CLPTM1: variants seen among roughly 807,000 people sequenced by gnomAD.
The protein encoded by CLPTM1 is CLPTM1 regulator of GABA type A receptor forward trafficking, also known as putative lipid scramblase CLPTM1.
In CLPTM1, 21 loss-of-function variants were observed where a neutral mutation model predicts 77.3. The observed-to-expected ratio is 0.27, with a 90% CI of 0.19 to 0.39. The LOEUF is 0.39. Ranked by LOEUF, CLPTM1 falls within the 10% of genes least tolerant of loss-of-function variation. The pLI is 1.00. For missense variants in CLPTM1, 642 were observed against 921.2 expected, an observed-to-expected ratio of 0.70 and a Z score of 3.92; for synonymous variants, 373 against 381.0, an observed-to-expected ratio of 0.98 and a Z score of 0.24.
At chr19:44,979,105 A>G (rs1970852091) in intron 5 of CLPTM1, among the ~76,000 whole-genome samples, 1 of 151,888 alleles carries the variant, frequency 6.6e-6, no homozygotes, top group Non-Finnish European at 1.5e-5. Flanking sequence ...TTAGCCTCCA[A>G]AATAGCTGGG....
chr19:44,965,155 A>G (rs1439939650), intron 2 of CLPTM1, among the ~76,000 whole-genome samples: 1 of 152,144 alleles, frequency 6.6e-6, no homozygotes, highest in African/African-American at 2.4e-5. Flanking sequence ...CAGTTAGGCA[A>G]TCAGCTTCCC....
chr19:44,992,967 C>A lies in CLPTM1; in HGVS notation c.*70C>A. 5 of 1,531,416 alleles carry A rather than the reference C, an allele frequency of 3.3e-6. No individual in the cohort carries two copies. Among genetic ancestry groups the A allele is most frequent in the Non-Finnish European group, 4.4e-6 (5 of 1,130,122 alleles). 94.9% of individuals were successfully genotyped at this position (1,531,416 alleles called of 1,614,324 possible). A position where few individuals can be genotyped will look rare whatever the true frequency, so the allele number is the denominator to read the frequency against. Reference sequence around the variant, plus strand: ...CCTGCGTCCCGGCCCCCTCGCCTCCCCTCCCTGTCGCCCTTTCCCTGGACA... The same window carrying A: ...CCTGCGTCCCGGCCCCCTCGCCTCCACTCCCTGTCGCCCTTTCCCTGGACA... On this transcript the variant is annotated 3_prime_UTR_variant, in exon 14 of 14. Transcript: ENST00000337392. The surrounding 1 kb of genome is among the most constrained non-coding windows in gnomAD (Gnocchi z 7.7).
chr19:44,985,185 C>T, intron 5 of CLPTM1, 33 bp from the exon 6 acceptor site: 2 of 1,568,442 alleles, frequency 1.3e-6, no homozygotes, highest in Middle Eastern at 1.7e-4. Flanking sequence ...CAGCAGGTCT[C>T]ACGTCCCCTC....
At chr19:44,986,297 GAGA>G (rs1403121276) in intron 6 of CLPTM1, among the ~76,000 whole-genome samples, 155 bp from the exon 7 acceptor site, 8 of 151,456 alleles carry the variant, frequency 5.3e-5, no homozygotes, top group Non-Finnish European at 1.2e-4. Context: ...CCCAGAATTC[GAGA>G]CCAGCTTGGG....
At chr19:44,974,398 G>T (rs778362664) in intron 3 of CLPTM1, 41 bp from the exon 4 acceptor site, 2 of 1,580,064 alleles carry the variant, frequency 1.3e-6, no homozygotes, top group Admixed American at 1.7e-5. Flanking sequence ...CAGAGGCTCT[G>T]AAGAGCAGGC....
upstream of CLPTM1, chr19:44,954,592 A>C (rs980082517): frequency 1.4e-5 from 14 of 1,021,792 alleles, 1 homozygote; most frequent in South Asian, 4.6e-4. Flanking sequence ...ACCCTCTCCA[A>C]ACTAAGGGTC....
Position 44,986,197 on chromosome 19 carries a change from AAAAG to A in CLPTM1, c.673-246_673-243del, listed in dbSNP as rs770070201. On this transcript the variant is annotated intron_variant, in intron 6 of 13. Transcript: ENST00000337392. ...ACCCCATCTCTTCCAAAAAAGAGAA[AAAAG>A]AAAGAAAGAAAAGAAGCTGTCCATG... Among the ~76,000 whole-genome samples the A allele has an allele frequency of 6.0e-3, 910 of 151,884 alleles. 6 individuals carry two copies. Among genetic ancestry groups the A allele is most frequent in the Non-Finnish European group, 9.9e-3 (670 of 67,952 alleles).
intron 5 of CLPTM1, among the ~76,000 whole-genome samples, chr19:44,978,132 C>T (rs1339065753): frequency 1.3e-5 from 2 of 151,328 alleles, no homozygotes; most frequent in African/African-American, 2.4e-5. Flanking sequence ...AGAGGCCGGG[C>T]ACAGTGGCTC....
At chr19:44,986,753 C>G in intron 7 of CLPTM1, 178 bp downstream of exon 7, 1 of 763,516 alleles carries the variant, frequency 1.3e-6, no homozygotes. Flanking sequence ...CACCACCACC[C>G]CTGGGGACCC....
At chr19:44,987,678 G>T in intron 8 of CLPTM1, 1 of 564,616 alleles carries the variant, frequency 1.8e-6, no homozygotes. Flanking sequence ...TCCTCCTTCT[G>T]TCCCAGACCT....
intron 5 of CLPTM1, chr19:44,984,422 T>C (rs1045355666): frequency 6.6e-6 from 1 of 152,248 alleles, no homozygotes; most frequent in Non-Finnish European, 1.5e-5. Flanking sequence ...CATAGGCTCA[T>C]TCAGTGGGGT....
At chr19:44,986,752 C>G in intron 7 of CLPTM1, 177 bp downstream of exon 7, 1 of 762,642 alleles carries the variant, frequency 1.3e-6, no homozygotes, top group South Asian at 1.9e-5. Context: ...ACACCACCAC[C>G]CCTGGGGACC....
In CLPTM1 at chr19:44,961,102, T is replaced by C. The variant is rs189985672; in HGVS notation, c.73-861T>C. On this transcript the variant is annotated intron_variant, in intron 1 of 13. Coordinates refer to ENST00000337392, the MANE Select transcript of CLPTM1 (RefSeq NM_001294.4). ...CCCTTCTGTCATTCTGCTTCTGCGG[T>C]CCTTCCTGAGTGACCAGACAAGTGG... Among the ~76,000 whole-genome samples the C allele has an allele frequency of 3.5e-3, 534 of 152,290 alleles. 4 individuals carry two copies. The highest frequency in any genetic ancestry group is 0.012 in the African/African-American group (506 of 41,568).
chr19:44,976,167 C>T (rs1186592233), intron 4 of CLPTM1, among the ~76,000 whole-genome samples: 1 of 152,190 alleles, frequency 6.6e-6, no homozygotes, highest in Non-Finnish European at 1.5e-5. Flanking sequence ...ACTTTCTGAC[C>T]TGCACTGAGA....
intron 4 of CLPTM1, 83 bp downstream of exon 4, chr19:44,974,680 G>GCT: frequency 2.7e-6 from 4 of 1,501,090 alleles, no homozygotes; most frequent in Non-Finnish European, 3.6e-6. Context: ...TCCTTGCTGA[G>GCT]AGCATGTGGA....
chr19:44,965,853 T>G (rs1474207364), intron 2 of CLPTM1, among the ~76,000 whole-genome samples: 2 of 152,152 alleles, frequency 1.3e-5, no homozygotes, highest in Non-Finnish European at 2.9e-5. Flanking sequence ...AATCATTCCT[T>G]TGGCTAGAAT....
At chr19:44,965,876 CCATGGCCAGCTG>C in intron 2 of CLPTM1, among the ~76,000 whole-genome samples, 1 of 152,194 alleles carries the variant, frequency 6.6e-6, no homozygotes, top group Non-Finnish European at 1.5e-5. Context: ...CTTCACATGG[CCATGGCCAGCTG>C]CACGGGAGGC....
In CLPTM1 at chr19:44,972,424, AT is replaced by A. The variant is rs368471552; in HGVS notation, c.186-657del. Among the ~76,000 whole-genome samples the A allele has an allele frequency of 3.8e-3, 575 of 149,938 alleles. 2 individuals are homozygous for A. Among genetic ancestry groups the A allele is most frequent in the African/African-American group, 8.5e-3 (346 of 40,708 alleles). On this transcript the variant is annotated intron_variant, in intron 2 of 13. Coordinates refer to ENST00000337392, the MANE Select transcript of CLPTM1 (RefSeq NM_001294.4). ...CACCATGCCCAGCTAATTTTTTTGTATTTTTTAGTAGAGACAGGGTTTCACC... is the reference window on the plus strand; with the variant it reads ...CACCATGCCCAGCTAATTTTTTTGTATTTTTAGTAGAGACAGGGTTTCACC...
At chr19:44,957,271 C>T (rs1277140743) in intron 1 of CLPTM1, among the ~76,000 whole-genome samples, 2 of 151,520 alleles carry the variant, frequency 1.3e-5, no homozygotes, top group Non-Finnish European at 2.9e-5. Flanking sequence ...TTCAGATGTC[C>T]CTTCCTGCAG....
Sources: allele counts gnomAD v4.1 joint callset (sites outside exome capture counted in the v4.1 genomes callset), GRCh38; gene constraint gnomAD v4.1.1; non-coding constraint Gnocchi (gnomAD v3.1); transcripts MANE v1.5; gene names NCBI Gene and HGNC (gene_info 2026-07-23, HGNC 2026-07-21).